The following HPSE2 variants were observed in gnomAD, a reference collection of about 807,000 sequenced individuals.
The protein encoded by HPSE2 is inactive heparanase-2.
Under a neutral mutation model 60.5 loss-of-function variants are expected in HPSE2, and 38 were observed. That is an observed-to-expected ratio of 0.63 (90% confidence interval 0.48 to 0.82). The LOEUF is 0.82. Among genes scored for constraint, HPSE2 ranks in the 40% least tolerant of loss-of-function variants. HPSE2 has a pLI of 0.00. For synonymous variants in HPSE2, 295 were observed against 293.2 expected (o/e 1.01, Z -0.06); for missense variants, 713 against 740.4 (o/e 0.96, Z 0.43).
chr10:98,524,288 T>C (rs984138192), intron 9 of HPSE2, among the ~76,000 whole-genome samples: 4 of 152,170 alleles, frequency 2.6e-5, no homozygotes, highest in Admixed American at 6.5e-5. Flanking sequence ...CATATTAACA[T>C]ATAGTGTTGC....
intron 3 of HPSE2, among the ~76,000 whole-genome samples, chr10:98,939,736 T>C (rs1046013550): frequency 4.9e-5 from 7 of 143,920 alleles, no homozygotes; most frequent in Non-Finnish European, 8.9e-5. Context: ...GCAGACCTAA[T>C]AGACATCCAC....
chr10:98,958,974 C>T (rs1268401892), intron 3 of HPSE2, among the ~76,000 whole-genome samples: 1 of 152,010 alleles, frequency 6.6e-6, no homozygotes, highest in East Asian at 1.9e-4. Context: ...TCAATTTCTC[C>T]ATCTGAAGTG....
At chr10:98,535,542 T>C (rs1943256611) in intron 9 of HPSE2, among the ~76,000 whole-genome samples, 1 of 152,170 alleles carries the variant, frequency 6.6e-6, no homozygotes, top group African/African-American at 2.4e-5. Flanking sequence ...TACTGTTTTC[T>C]TAGGCAGGCA....
At chr10:98,485,520 A>G (rs1370431983) in intron 10 of HPSE2, among the ~76,000 whole-genome samples, 2 of 152,188 alleles carry the variant, frequency 1.3e-5, no homozygotes, top group African/African-American at 2.4e-5. Flanking sequence ...AGGTCAGAAG[A>G]GAATGCCAGT....
chr10:98,967,976 GA>G (rs1471931548), intron 3 of HPSE2, among the ~76,000 whole-genome samples: 1 of 152,094 alleles, frequency 6.6e-6, no homozygotes, highest in Non-Finnish European at 1.5e-5. Context: ...CTCCTGGCTT[GA>G]ACAATGAATT....
the HPSE2 span, among the ~76,000 whole-genome samples, chr10:99,301,862 C>T: frequency 6.6e-6 from 1 of 151,634 alleles, no homozygotes; most frequent in African/African-American, 2.4e-5. Flanking sequence ...TACTTAAATA[C>T]AAGGCCCTTC....
intron 3 of HPSE2, among the ~76,000 whole-genome samples, chr10:98,745,264 C>A (rs1949601893): frequency 6.6e-6 from 1 of 152,124 alleles, no homozygotes; most frequent in South Asian, 2.1e-4. Context: ...CAGATACCAT[C>A]AACTCTATCA....
At chr10:98,873,343 A>G (rs954704150) in intron 3 of HPSE2, among the ~76,000 whole-genome samples, 2 of 151,640 alleles carry the variant, frequency 1.3e-5, no homozygotes, top group Admixed American at 1.3e-4. Flanking sequence ...CCCATCCTCT[A>G]AGTTGCCTTC....
At chr10:98,648,873 G>A (rs1459840842) in intron 6 of HPSE2, among the ~76,000 whole-genome samples, 1 of 151,978 alleles carries the variant, frequency 6.6e-6, no homozygotes, top group Non-Finnish European at 1.5e-5. Flanking sequence ...TTTCTTCTGA[G>A]AGCTCTTCAA....
At position 99,063,464 on chromosome 10, in the gene HPSE2, G is replaced by A. The variant is rs749125397; in HGVS notation, c.610+80774C>T. 2.6e-5 allele frequency among the ~76,000 whole-genome samples: 4 copies of A among 152,004 alleles called. No homozygotes were observed. The South Asian group carries it at 6.2e-4, about 24-fold the overall frequency. ...CAGCTTGGCAAGAATTAAAAAGATC[G>A]GTAATACCCATGTTGGCAATGGTGT... On this transcript the variant is annotated intron_variant, in intron 3 of 11. Coordinates refer to ENST00000370552, the MANE Select transcript of HPSE2 (RefSeq NM_021828.5).
At chr10:98,815,324 G>A (rs946906520) in intron 3 of HPSE2, among the ~76,000 whole-genome samples, 1 of 152,166 alleles carries the variant, frequency 6.6e-6, no homozygotes, top group African/African-American at 2.4e-5. Context: ...GTCAAGACAG[G>A]CAGTATATAA....
At chr10:99,251,942 G>C in the HPSE2 span, among the ~76,000 whole-genome samples, 6 of 151,706 alleles carry the variant, frequency 4.0e-5, no homozygotes, top group East Asian at 1.2e-3. Flanking sequence ...AGTGGGCTGA[G>C]GTAGGAGAAC....
At chr10:99,070,572 C>A (rs1842755821) in intron 3 of HPSE2, among the ~76,000 whole-genome samples, 1 of 152,174 alleles carries the variant, frequency 6.6e-6, no homozygotes, top group Non-Finnish European at 1.5e-5. Context: ...TTGTTAACTA[C>A]AGGTACAATG....
chr10:98,756,014 A>C (rs898693276), intron 3 of HPSE2, among the ~76,000 whole-genome samples: 1 of 152,088 alleles, frequency 6.6e-6, no homozygotes. Flanking sequence ...AAAAACAAAC[A>C]AAAAAGATCT....
At chr10:98,687,223 C>G (rs1177038454) in intron 6 of HPSE2, among the ~76,000 whole-genome samples, 1 of 152,210 alleles carries the variant, frequency 6.6e-6, no homozygotes, top group Non-Finnish European at 1.5e-5. Context: ...GGCCTAAAAT[C>G]AAAGTATGTG....
In HPSE2 at chr10:98,460,308, TAA is replaced by T. The variant is rs796167981; in HGVS notation, c.1614-571_1614-570del. Among the ~76,000 whole-genome samples the T allele has an allele frequency of 7.9e-5, 12 of 152,306 alleles. No homozygotes were observed. In the South Asian group the frequency reaches 2.5e-3, roughly 32 times the overall value. ...TACGGAAGGGAGACAGAGACATAGG[TAA>T]CACCTCTACTTTTTCTAATTTAAGA... On this transcript the variant is annotated intron_variant, in intron 11 of 11. Coordinates refer to ENST00000370552, the MANE Select transcript of HPSE2 (RefSeq NM_021828.5).
At chr10:98,734,408 A>T (rs938684922) in intron 4 of HPSE2, among the ~76,000 whole-genome samples, 7 of 152,170 alleles carry the variant, frequency 4.6e-5, no homozygotes, top group African/African-American at 1.7e-4. Context: ...TTTTATGTTT[A>T]ACTTTTTGAG....
chr10:98,467,780 T>C (rs1375370686), intron 11 of HPSE2, among the ~76,000 whole-genome samples: 1 of 152,238 alleles, frequency 6.6e-6, no homozygotes, highest in Non-Finnish European at 1.5e-5. Flanking sequence ...AATCACAGAA[T>C]CAATCAAATC....
At chr10:99,247,616 A>G in the HPSE2 span, among the ~76,000 whole-genome samples, 1 of 152,238 alleles carries the variant, frequency 6.6e-6, no homozygotes, top group African/African-American at 2.4e-5. Context: ...ATTTTTTTAA[A>G]AAATGAGACC....
Sources: allele counts gnomAD v4.1 joint callset (sites outside exome capture counted in the v4.1 genomes callset), GRCh38; gene constraint gnomAD v4.1.1; transcripts MANE v1.5; gene names NCBI Gene and HGNC (gene_info 2026-07-23, HGNC 2026-07-21).